Variants in UBA6 observed in about 807,000 individuals in gnomAD.
UBA6 encodes ubiquitin like modifier activating enzyme 6, also known as ubiquitin-like modifier-activating enzyme 6.
A neutral mutation model predicts 148.3 loss-of-function variants in UBA6; 87 were observed. The ratio of observed to expected loss-of-function variants is 0.59; its 90% confidence interval spans 0.49 to 0.70. The LOEUF (loss-of-function observed/expected upper bound fraction) is 0.70, where lower values mean the gene tolerates loss of function less well. Ranked by LOEUF, UBA6 falls within the 30% of genes least tolerant of loss-of-function variation. The pLI is 0.00. For synonymous variants in UBA6, 376 were observed against 401.0 expected, an observed-to-expected ratio of 0.94 and a Z score of 0.75; for missense variants, 1,186 against 1,241.2, an observed-to-expected ratio of 0.96 and a Z score of 0.67.
intron 26 of UBA6, among the ~76,000 whole-genome samples, 173 bp downstream of exon 26, chr4:67,630,293 G>T (rs1416636517): frequency 6.6e-6 from 1 of 152,060 alleles, no homozygotes; most frequent in Non-Finnish European, 1.5e-5. Context: ...TAGCAATACT[G>T]CAATGAGCTT....
chr4:67,683,586 T>C (rs1291315566), intron 2 of UBA6, among the ~76,000 whole-genome samples: 2 of 151,952 alleles, frequency 1.3e-5, no homozygotes, highest in Admixed American at 6.6e-5. Flanking sequence ...TTTTTTTTTT[T>C]TAGTTCATCA....
At chr4:67,664,038 G>C in intron 10 of UBA6, 91 bp from the exon 11 acceptor site, 1 of 1,001,882 alleles carries the variant, frequency 1.0e-6, no homozygotes, top group Non-Finnish European at 1.5e-6. Flanking sequence ...AAAAACTAGG[G>C]AACTCTCCCA....
Position 67,646,028 on chromosome 4 carries a change from A to C in UBA6, c.1317-12T>G, listed in dbSNP as rs377405414. The C allele has an allele frequency of 6.7e-7, 1 of 1,483,528 alleles. No homozygotes were observed. The highest frequency in any genetic ancestry group is 9.2e-7 in the Non-Finnish European group (1 of 1,091,440). The allele number at this position is 1,483,528 out of a possible 1,614,324, so 91.9% of individuals were successfully genotyped here. ...CATATCTATCTCCTCTGAAAAAAAT[A>C]ACATATACCAAAAAGCAGAAATAAA... is the stretch of plus-strand genomic sequence containing the variant. On this transcript the variant is annotated splice_polypyrimidine_tract_variant and intron_variant, in intron 15 of 32. Coordinates refer to ENST00000322244, the MANE Select transcript of UBA6 (RefSeq NM_018227.6).
At chr4:67,625,822 A>G (rs925425224) in intron 28 of UBA6, among the ~76,000 whole-genome samples, 3 of 152,002 alleles carry the variant, frequency 2.0e-5, no homozygotes, top group Admixed American at 1.3e-4. Flanking sequence ...TTAAGGAATT[A>G]AAAATTCAGT....
chr4:67,682,468 T>C (rs1471027594), intron 2 of UBA6, among the ~76,000 whole-genome samples: 3 of 152,192 alleles, frequency 2.0e-5, no homozygotes, highest in Non-Finnish European at 4.4e-5. Flanking sequence ...AGTTGCCCTG[T>C]TTAGGCAGGA....
chr4:67,643,566 A>G (rs1437540869), intron 17 of UBA6, among the ~76,000 whole-genome samples: 1 of 151,978 alleles, frequency 6.6e-6, no homozygotes. Flanking sequence ...TTCTGTTTTT[A>G]CTTAAAGTTT....
At chr4:67,662,472 T>C in intron 12 of UBA6, 1 of 434,940 alleles carries the variant, frequency 2.3e-6, no homozygotes, top group Non-Finnish European at 4.0e-6. Context: ...TAGTTTTTTT[T>C]GTTTTTTTTT....
intron 8 of UBA6, among the ~76,000 whole-genome samples, chr4:67,669,133 T>C (rs1577826105): frequency 6.6e-6 from 1 of 152,190 alleles, no homozygotes; most frequent in African/African-American, 2.4e-5. Flanking sequence ...TTTAAAGAAA[T>C]ATTGTGTAGC....
rs1728687856 is a variant in UBA6, at chr4:67,618,868, T to C, written c.*129A>G. The C allele has an allele frequency of 1.1e-6, 1 of 940,330 alleles. No homozygotes were observed. Among genetic ancestry groups the C allele is most frequent in the African/African-American group, 1.7e-5 (1 of 59,852 alleles). 58.2% of individuals were successfully genotyped at this position (940,330 alleles called of 1,614,324 possible). A position where few individuals can be genotyped will look rare whatever the true frequency, so the allele number is the denominator to read the frequency against. On this transcript the variant is annotated 3_prime_UTR_variant, in exon 33 of 33. Coordinates refer to ENST00000322244, the MANE Select transcript of UBA6 (RefSeq NM_018227.6). ...TCTTCAGTGCAGTTTCTTACTGATG[T>C]TTCCCTTAAAATTAAGGCTTAATGA...
intron 4 of UBA6, among the ~76,000 whole-genome samples, chr4:67,681,360 T>C (rs1730433074): frequency 1.3e-5 from 2 of 151,976 alleles, no homozygotes; most frequent in South Asian, 4.1e-4. Flanking sequence ...TCCCCAAGAG[T>C]TGGTAACTGA....
chr4:67,664,860 T>C (rs79125862), intron 10 of UBA6, among the ~76,000 whole-genome samples: 1 of 151,952 alleles, frequency 6.6e-6, no homozygotes, highest in African/African-American at 2.4e-5. Flanking sequence ...TTATTTCTTG[T>C]CTTAGAAAGT....
rs755671595 is a variant in UBA6, at chr4:67,622,832, T to C, written c.3022A>G (p.Thr1008Ala). 1.2e-6 allele frequency: 2 copies of C among 1,606,272 alleles called. No individual in the cohort carries two copies. Among genetic ancestry groups the C allele is most frequent in the Non-Finnish European group, 1.7e-6 (2 of 1,176,614 alleles). The change falls in exon 32 of 33, where the codon ACA (threonine) becomes GCA (alanine). Residue 1008 changes from threonine to alanine, a missense_variant and splice_region_variant. Physicochemically the swap from Thr to Ala is moderately conservative, Grantham distance 58. Transcript: ENST00000322244. ...MPGHAKRLKL[T>A]MHKLVKPTTE... ...CTGCATATAATGTTGAATACTTACG[T>C]TAACTTCAATCTTTTTGCATGACCA... is the stretch of plus-strand genomic sequence containing the variant.
chr4:67,684,571 T>C (rs1730514317), intron 2 of UBA6, among the ~76,000 whole-genome samples: 1 of 152,250 alleles, frequency 6.6e-6, no homozygotes, highest in Non-Finnish European at 1.5e-5. Flanking sequence ...TATTTGAGAA[T>C]TTCTTTGGTC....
intron 2 of UBA6, among the ~76,000 whole-genome samples, chr4:67,693,189 C>A (rs1443835509): frequency 1.3e-5 from 2 of 152,058 alleles, no homozygotes; most frequent in Non-Finnish European, 2.9e-5. Flanking sequence ...TCCTCCTCAG[C>A]CTACTCAACA....
chr4:67,663,406 G>A, intron 11 of UBA6, 191 bp from the exon 12 acceptor site: 1 of 460,784 alleles, frequency 2.2e-6, no homozygotes, highest in Non-Finnish European at 3.9e-6. Context: ...AGGCCATGAA[G>A]GTAAATGATC....
rs149970417 is a variant in UBA6, at chr4:67,697,029, G to A, written c.72-322C>T. Among the ~76,000 whole-genome samples the A allele has an allele frequency of 2.6e-3, 393 of 151,872 alleles. 2 individuals carry two copies. The highest frequency in any genetic ancestry group is 0.021 in the Middle Eastern group (6 of 290). On this transcript the variant is annotated intron_variant, in intron 1 of 32. Coordinates refer to ENST00000322244, the MANE Select transcript of UBA6 (RefSeq NM_018227.6). ...TTTGTTTGTTTTCTTTTTTGAGATGGGAGTCTCACTCTGTTACCGAGACTG... is the reference window on the plus strand; with the variant it reads ...TTTGTTTGTTTTCTTTTTTGAGATGAGAGTCTCACTCTGTTACCGAGACTG...
chr4:67,665,730 G>A (rs975814753), intron 9 of UBA6, among the ~76,000 whole-genome samples: 1 of 151,540 alleles, frequency 6.6e-6, no homozygotes, highest in Non-Finnish European at 1.5e-5. Context: ...ACCTCAATCA[G>A]TAATGAAAAG....
chr4:67,622,237 A>C (rs543862049), intron 32 of UBA6, among the ~76,000 whole-genome samples: 5 of 152,250 alleles, frequency 3.3e-5, no homozygotes, highest in Non-Finnish European at 7.3e-5. Context: ...GTCTCTGCTC[A>C]AATTCCACCT....
Position 67,623,203 on chromosome 4 carries a change from T to C in UBA6, c.2860A>G (p.Ile954Val). ...TKIRNGISFT[I>V]WDRWTVHGKE... Reference sequence around the variant, plus strand: ...CCATGTACGGTCCATCGATCCCAAATTGTAAATGATATTCCATTTCTGTTA... The same window carrying C: ...CCATGTACGGTCCATCGATCCCAAACTGTAAATGATATTCCATTTCTGTTA... The change falls in exon 31 of 33, where the codon ATT becomes GTT. Residue 954 changes from isoleucine (I) to valine (V), a missense_variant. By Grantham distance (29) the Ile-to-Val change is conservative. Transcript: ENST00000322244. The C allele has an allele frequency of 6.2e-7, 1 of 1,612,088 alleles. No individual in the cohort carries two copies. Among genetic ancestry groups the C allele is most frequent in the South Asian group, 1.1e-5 (1 of 90,892 alleles).
Sources: allele counts gnomAD v4.1 joint callset (sites outside exome capture counted in the v4.1 genomes callset), GRCh38; gene constraint gnomAD v4.1.1; transcripts MANE v1.5; gene names NCBI Gene and HGNC (gene_info 2026-07-23, HGNC 2026-07-21).